CLPB: variants seen among roughly 807,000 people sequenced by gnomAD.
CLPB encodes the protein ClpB family mitochondrial disaggregase.
Under a neutral mutation model 78.4 loss-of-function variants are expected in CLPB, and 40 were observed. The ratio of observed to expected loss-of-function variants is 0.51; its 90% CI spans 0.40 to 0.66. The LOEUF (loss-of-function observed/expected upper bound fraction) is 0.66. Ranked by LOEUF, CLPB falls within the 30% of genes least tolerant of loss-of-function variation. The pLI is 0.00. For synonymous variants in CLPB, 333 were observed against 348.0 expected (o/e 0.96, Z 0.48); for missense variants, 780 against 886.9 (o/e 0.88, Z 1.53).
chr11:72,358,717 T>C (rs1325654816), intron 5 of CLPB, among the ~76,000 whole-genome samples, 163 bp downstream of exon 5: 1 of 152,132 alleles, frequency 6.6e-6, no homozygotes, highest in Non-Finnish European at 1.5e-5. Context: ...TCTCTAGCTC[T>C]AGGAGGATAA....
At position 72,424,338 on chromosome 11, in the gene CLPB, T is replaced by C. The variant is rs375423779; in HGVS notation, c.455+5974A>G. On this transcript the variant is annotated intron_variant, in intron 2 of 15. Coordinates refer to ENST00000538039, the MANE Select transcript of CLPB (RefSeq NM_001258392.3). ...CCATTTTTTTCTTTCTTTTCTACCC[T>C]GTAGTTTCCTAACTAGCTGCCTCAC... Among the ~76,000 whole-genome samples, 7 of 152,374 alleles carry C rather than the reference T, an allele frequency of 4.6e-5. No homozygotes were observed. In the East Asian group the frequency reaches 5.8e-4, roughly 13 times the overall value.
At chr11:72,308,409 C>G in intron 8 of CLPB, 118 bp downstream of exon 8, 1 of 802,124 alleles carries the variant, frequency 1.2e-6, no homozygotes, top group Non-Finnish European at 2.1e-6. Context: ...GCTTTTAGAG[C>G]TCAAGTTGAC....
chr11:72,317,354 C>T (rs914111753), intron 6 of CLPB, 134 bp from the exon 7 acceptor site: 11 of 627,592 alleles, frequency 1.8e-5, no homozygotes, highest in African/African-American at 7.6e-5. Flanking sequence ...TTCATGGTCA[C>T]TGGAGGCTGG....
At position 72,293,563 on chromosome 11, in the gene CLPB, A is replaced by T; in HGVS notation, c.1838T>A (p.Leu613Gln). 6.2e-7 allele frequency: 1 copy of T among 1,613,782 alleles called. No homozygotes were observed. The highest frequency in any genetic ancestry group is 8.5e-7 in the Non-Finnish European group (1 of 1,179,910). ...QLAAAYEQDL[L>Q]PGGCTLRITV... ...GATGCGCAAAGTACAGCCCCCTGGCAGCAGGTCCTGCTCATAGGCTGCTGC... is the reference window on the plus strand; with the variant it reads ...GATGCGCAAAGTACAGCCCCCTGGCTGCAGGTCCTGCTCATAGGCTGCTGC... Residue 613 changes from leucine to glutamine, a missense_variant, in exon 16 of 16, where the codon CTG (leucine) becomes CAG (glutamine). Physicochemically the swap from Leu to Gln is moderately radical, Grantham distance 113. This residue lies in a region of CLPB where 272 missense variants were observed against 304.0 expected (regional missense o/e 0.89). Transcript: ENST00000538039.
chr11:72,383,425 G>C (rs1278367664), intron 3 of CLPB, among the ~76,000 whole-genome samples: 2 of 151,562 alleles, frequency 1.3e-5, no homozygotes, highest in African/African-American at 4.9e-5. Context: ...CAGCTACTCG[G>C]AAGGCTGAGG....
intron 2 of CLPB, among the ~76,000 whole-genome samples, chr11:72,405,412 A>G (rs1259052768): frequency 1.3e-5 from 2 of 152,210 alleles, no homozygotes; most frequent in Admixed American, 6.5e-5. Context: ...TCTTCCAGAA[A>G]AGTGCATAGG....
chr11:72,390,012 G>A (rs1005534419), intron 3 of CLPB, among the ~76,000 whole-genome samples: 3 of 152,150 alleles, frequency 2.0e-5, no homozygotes, highest in African/African-American at 7.2e-5. Context: ...TTACTAATTT[G>A]GGGAAGCAGA....
rs1380147009 is a variant in CLPB at position 72,302,290 on chromosome 11, C to T, written c.1167+14G>A. 6.2e-7 allele frequency: 1 copy of T among 1,613,722 alleles called. No homozygotes were observed. Among genetic ancestry groups the T allele is most frequent in the Admixed American group, 1.7e-5 (1 of 60,014 alleles). On this transcript the variant is annotated intron_variant, in intron 10 of 15. Coordinates refer to ENST00000538039, the MANE Select transcript of CLPB (RefSeq NM_001258392.3). ...CTCCAAACCATGCTTCAATCAAGGA[C>T]TGTCATCACTCACCTCGTGTCGCTC...
intron 7 of CLPB, among the ~76,000 whole-genome samples, 191 bp downstream of exon 7, chr11:72,316,915 C>T (rs190969522): frequency 6.6e-6 from 1 of 152,192 alleles, no homozygotes; most frequent in Non-Finnish European, 1.5e-5. Context: ...GCAGTACCAA[C>T]CTCAGAGGAT....
chr11:72,302,117 C>T, intron 10 of CLPB, 153 bp from the exon 11 acceptor site: 4 of 988,398 alleles, frequency 4.0e-6, no homozygotes, highest in South Asian at 1.5e-5. Context: ...GCAGATAGAT[C>T]TTCTCTATGT....
intron 5 of CLPB, among the ~76,000 whole-genome samples, chr11:72,357,468 G>A (rs577984432): frequency 3.4e-4 from 52 of 152,058 alleles, no homozygotes; most frequent in Non-Finnish European, 5.6e-4. Context: ...AGGCTGAGGC[G>A]GGTGGATCAC....
intron 5 of CLPB, among the ~76,000 whole-genome samples, chr11:72,339,290 A>C (rs1038628024): frequency 6.6e-6 from 1 of 152,250 alleles, no homozygotes; most frequent in Admixed American, 6.5e-5. Flanking sequence ...TGATTGAGAA[A>C]GGAAAGGGTT....
intron 4 of CLPB, among the ~76,000 whole-genome samples, chr11:72,368,139 C>T (rs900201477): frequency 3.3e-5 from 5 of 152,114 alleles, no homozygotes; most frequent in South Asian, 2.1e-4. Context: ...CAGGCTCATT[C>T]GAGGCAGCCC....
At chr11:72,308,004 T>G (rs1949775102) in intron 8 of CLPB, among the ~76,000 whole-genome samples, 1 of 151,980 alleles carries the variant, frequency 6.6e-6, no homozygotes, top group Admixed American at 6.6e-5. Flanking sequence ...AATGGGGGGG[T>G]TCTGTCAGGG....
intron 6 of CLPB, among the ~76,000 whole-genome samples, chr11:72,319,430 C>A (rs557913788): frequency 6.6e-6 from 1 of 152,350 alleles, no homozygotes. Flanking sequence ...CTGTACTCAG[C>A]ACCTTATACA....
In CLPB at chr11:72,317,215, T is replaced by G; in HGVS notation, c.879A>C (p.Gln293His). The G allele has an allele frequency of 3.7e-6, 6 of 1,608,888 alleles. No homozygotes were observed. Among genetic ancestry groups the G allele is most frequent in the Non-Finnish European group, 5.1e-6 (6 of 1,177,928 alleles). ...KLLRTSEAKY[Q>H]EKQRKREAEE... ...CAGCCTCACGCTTCCGCTGCTTCTC[T>G]TGGTACTGTGGGGAGAGAGGGCAAA... The change falls in exon 7 of 16, where the codon CAA (glutamine) becomes CAC (histidine). Residue 293 changes from glutamine to histidine, a missense_variant. By Grantham distance (24) the Gln-to-His change is conservative (BLOSUM62 0). Around this residue, in one of 3 missense-constraint regions of CLPB, gnomAD observed 417 missense variants for 414.7 expected, o/e 1.01. Coordinates refer to ENST00000538039, the MANE Select transcript of CLPB (RefSeq NM_001258392.3).
At chr11:72,379,943 T>A (rs1854851856) in intron 4 of CLPB, among the ~76,000 whole-genome samples, 2 of 152,138 alleles carry the variant, frequency 1.3e-5, no homozygotes, top group Admixed American at 6.5e-5. Context: ...CTTAATTATT[T>A]TACTGAAATC....
At chr11:72,337,249 C>A in intron 5 of CLPB, 1 of 397,468 alleles carries the variant, frequency 2.5e-6, no homozygotes, top group South Asian at 1.3e-4. Context: ...GAGCCCTGCT[C>A]AACATACGTA....
At chr11:72,387,798 G>A (rs971817875) in intron 3 of CLPB, among the ~76,000 whole-genome samples, 2 of 152,142 alleles carry the variant, frequency 1.3e-5, no homozygotes, top group African/African-American at 4.8e-5. Flanking sequence ...ATAGTCCTGC[G>A]TTAAGAAGGC....
Sources: gnomAD v4.1 joint callset for allele counts (sites outside exome capture counted in the v4.1 genomes callset) on GRCh38, gnomAD v4.1.1 for gene constraint, gnomAD v4.1.1 regional missense constraint, MANE v1.5 for transcripts, NCBI Gene and HGNC (gene_info 2026-07-23, HGNC 2026-07-21) for gene names.